SMARCC2: variants seen among roughly 807,000 people sequenced by gnomAD.
SMARCC2 encodes SWI/SNF complex subunit SMARCC2.
SMARCC2 carries 15 observed loss-of-function variants against 151.3 expected under a neutral mutation model. That is an observed-to-expected ratio of 0.10 (90% confidence interval 0.07 to 0.15). SMARCC2 has a LOEUF of 0.15. Among genes scored for constraint, SMARCC2 ranks in the 10% least tolerant of loss-of-function variants. The pLI is 1.00. For synonymous variants in SMARCC2, 590 were observed against 609.5 expected (o/e 0.97, Z 0.47); for missense variants, 1,031 against 1,599.7 (o/e 0.64, Z 6.06).
At chr12:56,175,528 T>C (rs138447841) in intron 15 of SMARCC2, among the ~76,000 whole-genome samples, 74 of 152,302 alleles carry the variant, frequency 4.9e-4, no homozygotes, top group Non-Finnish European at 7.8e-4. Context: ...GTTTCCTCAT[T>C]TGTAAAATGG....
At chr12:56,173,908 G>A (rs1256676636) in intron 16 of SMARCC2, 59 bp from the exon 17 acceptor site, 50 of 1,513,060 alleles carry the variant, frequency 3.3e-5, no homozygotes, top group Non-Finnish European at 4.4e-5. Context: ...GCACGAGGAA[G>A]AGGAAAAGTG....
chr12:56,168,352 C>T (rs1873232360), intron 25 of SMARCC2, among the ~76,000 whole-genome samples, 158 bp from the exon 26 acceptor site: 1 of 151,248 alleles, frequency 6.6e-6, no homozygotes, highest in African/African-American at 2.4e-5. Context: ...GGATTATAGG[C>T]GTGAGCCACC....
At chr12:56,182,401 T>C (rs561300444) in intron 7 of SMARCC2, among the ~76,000 whole-genome samples, 2 of 151,870 alleles carry the variant, frequency 1.3e-5, no homozygotes, top group South Asian at 4.2e-4. Context: ...CTCGGCTCAC[T>C]GCAACCTCCG....
At chr12:56,189,232 T>G (rs1301714778) in intron 1 of SMARCC2, 119 bp downstream of exon 1, 2 of 296,670 alleles carry the variant, frequency 6.7e-6, no homozygotes, top group African/African-American at 9.8e-5. Flanking sequence ...GGGGGCTGCT[T>G]GGGAGGCCGC....
At chr12:56,180,064 C>T (rs539683339) in intron 11 of SMARCC2, among the ~76,000 whole-genome samples, 5 of 152,140 alleles carry the variant, frequency 3.3e-5, no homozygotes, top group East Asian at 1.9e-4. Flanking sequence ...CCCATGGTAG[C>T]GGCTTAACAG....
intron 3 of SMARCC2, chr12:56,185,949 A>G: frequency 1.8e-6 from 1 of 565,782 alleles, no homozygotes; most frequent in African/African-American, 1.9e-5. Flanking sequence ...TTCCTCTACA[A>G]AACACACAGT....
intron 1 of SMARCC2, among the ~76,000 whole-genome samples, chr12:56,188,225 G>A (rs1287946165): frequency 1.3e-5 from 2 of 152,184 alleles, no homozygotes; most frequent in African/African-American, 4.8e-5. Flanking sequence ...CCTGCAAAAG[G>A]TCAAAGGTAG....
Position 56,184,920 on chromosome 12 carries a change from C to G in SMARCC2, c.416G>C (p.Arg139Pro). 1 of 1,612,486 alleles carries G rather than the reference C, an allele frequency of 6.2e-7. No homozygotes were observed. The highest frequency in any genetic ancestry group is 8.5e-7 in the Non-Finnish European group (1 of 1,178,894). Reference protein sequence around the residue: ...KSLVQNNCLSRPNIFLCPEIE... With the variant: ...KSLVQNNCLSPPNIFLCPEIE... ...TTCTGGGCACAGAAAAATGTTAGGT[C>G]GAGACAGGCAATTATTCTGTGGAGA... is the stretch of plus-strand genomic sequence containing the variant. Residue 139 changes from arginine to proline, a missense_variant, in exon 5 of 29, where the codon CGA (arginine) becomes CCA (proline). Arg to Pro is a moderately radical substitution (Grantham distance 103, BLOSUM62 -2). Coordinates refer to ENST00000550164, the MANE Select transcript of SMARCC2 (RefSeq NM_001330288.2).
rs1014102962 is a variant in SMARCC2, at chr12:56,163,730, G to A, written c.3697C>T (p.Pro1233Ser). The change falls in exon 29 of 29, where the codon CCG (proline) becomes TCG (serine). Residue 1233 changes from proline (P) to serine (S), a missense_variant. Coordinates refer to ENST00000550164, the MANE Select transcript of SMARCC2 (RefSeq NM_001330288.2). Reference protein sequence around the residue: ...GTPLPPDPTAPSPGTVTPVPP... With the variant: ...GTPLPPDPTASSPGTVTPVPP... ...ACAGGGGTGACCGTGCCTGGGCTCG[G>A]GGCTGTGGGGTCTGGAGGCAGGGGG... The A allele has an allele frequency of 6.6e-7, 1 of 1,512,358 alleles. No homozygotes were observed. Among genetic ancestry groups the A allele is most frequent in the Non-Finnish European group, 8.8e-7 (1 of 1,140,930 alleles). 93.7% of individuals were successfully genotyped at this position (1,512,358 alleles called of 1,614,324 possible). A position where few individuals can be genotyped will look rare whatever the true frequency, so the allele number is the denominator to read the frequency against.
intron 8 of SMARCC2, 44 bp from the exon 9 acceptor site, chr12:56,181,879 C>T: frequency 6.2e-7 from 1 of 1,613,626 alleles, no homozygotes; most frequent in South Asian, 1.1e-5. Context: ...GCCTGGAAGC[C>T]ACAGCTCTGT....
chr12:56,184,824 C>T lies in SMARCC2; in HGVS notation c.492+20G>A, dbSNP rs1468867618. 1 of 1,445,390 alleles carries T rather than the reference C, an allele frequency of 6.9e-7. No homozygotes were observed. The highest frequency in any genetic ancestry group is 9.7e-7 in the Non-Finnish European group (1 of 1,026,254). The allele number at this position is 1,445,390 out of a possible 1,614,324, so 89.5% of individuals were successfully genotyped here. On this transcript the variant is annotated intron_variant, in intron 5 of 28. Transcript: ENST00000550164. ...AACAGTCATGGAGTTTCTGAAACCT[C>T]TCCTCACCAGACCATTTACCTGGTG...
chr12:56,165,709 C>T lies in SMARCC2; in HGVS notation c.2851-10G>A, dbSNP rs757615561. 1.2e-6 allele frequency: 2 copies of T among 1,606,918 alleles called. No homozygotes were observed. Among genetic ancestry groups the T allele is most frequent in the Non-Finnish European group, 8.5e-7 (1 of 1,179,860 alleles). ...GCCTCTGATACTCCAGCTGCCAGTG[C>T]CAATTGAGTATTGTTATCCAATTTT... On this transcript the variant is annotated splice_polypyrimidine_tract_variant and intron_variant, in intron 26 of 28. Coordinates refer to ENST00000550164, the MANE Select transcript of SMARCC2 (RefSeq NM_001330288.2).
chr12:56,179,146 A>T, intron 11 of SMARCC2, 90 bp from the exon 12 acceptor site: 1 of 1,133,492 alleles, frequency 8.8e-7, no homozygotes, highest in South Asian at 1.3e-5. Flanking sequence ...TTTCTCCAAA[A>T]ATTGTCTCCA....
At chr12:56,181,326 G>T in intron 10 of SMARCC2, 156 bp downstream of exon 10, 1 of 646,008 alleles carries the variant, frequency 1.5e-6, no homozygotes, top group Non-Finnish European at 2.7e-6. Context: ...CAACTGAGCA[G>T]CTAAAGATCT....
intron 26 of SMARCC2, among the ~76,000 whole-genome samples, chr12:56,166,593 CTT>C (rs543234598): frequency 3.1e-4 from 43 of 139,326 alleles, no homozygotes; most frequent in Non-Finnish European, 3.0e-4. Context: ...TCTTTTTCTT[CTT>C]TTTTTTTTTT....
chr12:56,178,832 T>C lies in SMARCC2; in HGVS notation c.1157A>G (p.Glu386Gly). The C allele has an allele frequency of 2.5e-6, 4 of 1,614,150 alleles. No homozygotes were observed. Among genetic ancestry groups the C allele is most frequent in the Non-Finnish European group, 3.4e-6 (4 of 1,180,002 alleles). Residue 386 changes from glutamate to glycine, a missense_variant, in exon 13 of 29, where the codon GAA (glutamate) becomes GGA (glycine). This residue lies in a region of SMARCC2 where 127 missense variants were observed against 141.7 expected (regional missense o/e 0.90). Coordinates refer to ENST00000550164, the MANE Select transcript of SMARCC2 (RefSeq NM_001330288.2). Reference protein sequence around the residue: ...TMTDLDEQEDESMETTGKDED... With the variant: ...TMTDLDEQEDGSMETTGKDED... The stretch of plus-strand genomic sequence containing the variant: ...CACCTTGCCCGTCGTCTCCATGCTT[T>C]CATCTTCCTGTTCATCTGAAAGAGA...
rs1876982644 is a variant in SMARCC2, at chr12:56,185,148, T to A, written c.318-37A>T. The A allele has an allele frequency of 7.0e-6, 11 of 1,562,984 alleles. No homozygotes were observed. In the East Asian group the frequency reaches 2.5e-4, roughly 35 times the overall value. On this transcript the variant is annotated intron_variant, in intron 3 of 28. Coordinates refer to ENST00000550164, the MANE Select transcript of SMARCC2 (RefSeq NM_001330288.2). ...GCAATAATCTAGTGAGTGGTATAGCTCAGGTCTGCAGATGAGGTGAGGGCA... is the reference window on the plus strand; with the variant it reads ...GCAATAATCTAGTGAGTGGTATAGCACAGGTCTGCAGATGAGGTGAGGGCA...
chr12:56,167,900 A>T (rs1873113154), intron 26 of SMARCC2, among the ~76,000 whole-genome samples, 160 bp downstream of exon 26: 1 of 150,744 alleles, frequency 6.6e-6, no homozygotes, highest in South Asian at 2.1e-4. Flanking sequence ...ACACACACAC[A>T]CACACACACA....
chr12:56,172,389 G>A, intron 20 of SMARCC2, 39 bp downstream of exon 20: 1 of 1,523,042 alleles, frequency 6.6e-7, no homozygotes, highest in Non-Finnish European at 8.8e-7. Flanking sequence ...GCCCACTTCT[G>A]TTTTCAGAGA....
Sources: allele counts gnomAD v4.1 joint callset (sites outside exome capture counted in the v4.1 genomes callset), GRCh38; gene constraint gnomAD v4.1.1; regional missense constraint gnomAD v4.1.1; transcripts MANE v1.5; gene names NCBI Gene and HGNC (gene_info 2026-07-23, HGNC 2026-07-21).